TMEM132B: variants seen among roughly 807,000 people sequenced by gnomAD.
The protein encoded by TMEM132B is transmembrane protein 132B.
Under a neutral mutation model 90.8 loss-of-function variants are expected in TMEM132B, and 18 were observed. That is an observed-to-expected ratio of 0.20 (90% CI 0.14 to 0.29). The LOEUF is 0.29. Among genes scored for constraint, TMEM132B ranks in the 10% least tolerant of loss-of-function variants. The pLI is 1.00. For missense variants in TMEM132B, 1,096 were observed against 1,326.8 expected (o/e 0.83, Z 2.70); for synonymous variants, 504 against 523.3 (o/e 0.96, Z 0.50).
chr12:125,481,606 C>T (rs1176972285), intron 3 of TMEM132B, among the ~76,000 whole-genome samples: 1 of 152,074 alleles, frequency 6.6e-6, no homozygotes, highest in Non-Finnish European at 1.5e-5. Context: ...TAAAAGAGGA[C>T]ACAAACAAAT....
At chr12:125,604,625 A>C (rs1885649118) in intron 5 of TMEM132B, among the ~76,000 whole-genome samples, 1 of 152,226 alleles carries the variant, frequency 6.6e-6, no homozygotes, top group Non-Finnish European at 1.5e-5. Flanking sequence ...AAAAAAATAA[A>C]TAAATTGATG....
chr12:125,365,988 C>T (rs953386678), intron 2 of TMEM132B, among the ~76,000 whole-genome samples: 6 of 151,818 alleles, frequency 4.0e-5, no homozygotes, highest in Non-Finnish European at 8.8e-5. Flanking sequence ...TTTTTGTATC[C>T]GTTAATCAAC....
At chr12:125,189,157 A>G (rs1159714459) in intron 1 of TMEM132B, among the ~76,000 whole-genome samples, 1 of 152,102 alleles carries the variant, frequency 6.6e-6, no homozygotes, top group African/African-American at 2.4e-5. Flanking sequence ...GGGTGGGTGT[A>G]CTTCTTTCAG....
chr12:125,644,038 C>T, intron 5 of TMEM132B, 38 bp from the exon 6 acceptor site: 2 of 1,585,906 alleles, frequency 1.3e-6, no homozygotes, highest in South Asian at 2.2e-5. Context: ...TGTGCTTTTC[C>T]TACTGATGCA....
At position 125,652,135 on chromosome 12, in the gene TMEM132B, G is replaced by A. The variant is rs149825123; in HGVS notation, c.1915-306G>A. ...AGTTGTTGGGAAAATGTTGCTCTTT[G>A]AGTACCTAATATCAATGGACAGTTT... On this transcript the variant is annotated intron_variant, in intron 7 of 8. Coordinates refer to ENST00000682704, the MANE Select transcript of TMEM132B (RefSeq NM_001366854.1). Among the ~76,000 whole-genome samples, 282 of 152,350 alleles carry A rather than the reference G, an allele frequency of 1.9e-3. 1 individual carries two copies. Among genetic ancestry groups the A allele is most frequent in the Admixed American group, 4.6e-3 (71 of 15,308 alleles).
intron 3 of TMEM132B, among the ~76,000 whole-genome samples, chr12:125,438,663 TTCC>T (rs1880771369): frequency 9.7e-6 from 1 of 102,678 alleles, no homozygotes; most frequent in African/African-American, 6.0e-5. Flanking sequence ...TGCATTCTCC[TTCC>T]TCCTTCTTCC....
chr12:125,296,196 G>C (rs114874498), intron 1 of TMEM132B, among the ~76,000 whole-genome samples: 1,731 of 152,258 alleles, frequency 0.011, 33 homozygotes, highest in African/African-American at 0.037. Context: ...CCAGTACAGC[G>C]TGGTCCTGGG....
At chr12:125,607,961 T>C (rs73416397) in intron 5 of TMEM132B, among the ~76,000 whole-genome samples, 5,704 of 152,306 alleles carry the variant, frequency 0.037, 332 homozygotes, top group African/African-American at 0.13. Context: ...CCCAATAATA[T>C]TTCATTTGAA....
intron 3 of TMEM132B, among the ~76,000 whole-genome samples, chr12:125,447,561 G>C (rs904033361): frequency 6.6e-6 from 1 of 152,030 alleles, no homozygotes; most frequent in African/African-American, 2.4e-5. Context: ...TATTTTAATA[G>C]TCAACACTCA....
In TMEM132B at chr12:125,637,094, G is replaced by A. The variant is rs139753468; in HGVS notation, c.1438-6982G>A. On this transcript the variant is annotated intron_variant, in intron 5 of 8. Transcript: ENST00000682704. ...GTTAGTTTGTTACCCTGCAGCCACA[G>A]TTCTCAGACAAACTTAATAAAAATT... Among the ~76,000 whole-genome samples the A allele has an allele frequency of 6.3e-3, 967 of 152,296 alleles. 10 individuals carry two copies. The highest frequency in any genetic ancestry group is 0.022 in the African/African-American group (913 of 41,560).
At chr12:125,597,726 C>T (rs762646991) in intron 5 of TMEM132B, among the ~76,000 whole-genome samples, 23 of 152,112 alleles carry the variant, frequency 1.5e-4, no homozygotes, top group Non-Finnish European at 2.5e-4. Context: ...CAGTGCCTGC[C>T]GGGTGCCTGT....
chr12:125,192,845 T>C (rs1359804152), intron 1 of TMEM132B, among the ~76,000 whole-genome samples: 3 of 152,176 alleles, frequency 2.0e-5, no homozygotes, highest in African/African-American at 7.2e-5. Context: ...GCTCAATAAA[T>C]TGGGAGATCT....
At chr12:125,627,188 C>A (rs1886253034) in intron 5 of TMEM132B, among the ~76,000 whole-genome samples, 1 of 152,122 alleles carries the variant, frequency 6.6e-6, no homozygotes, top group Admixed American at 6.5e-5. Flanking sequence ...CCCATCTTCT[C>A]CTTTATGTTG....
intron 1 of TMEM132B, among the ~76,000 whole-genome samples, chr12:125,231,503 G>A (rs1035670251): frequency 1.3e-5 from 2 of 152,148 alleles, no homozygotes; most frequent in Admixed American, 6.5e-5. Context: ...AGGAGTATTT[G>A]AGCATGTTTG....
At chr12:125,259,064 C>T (rs563538617) in intron 1 of TMEM132B, among the ~76,000 whole-genome samples, 2 of 152,180 alleles carry the variant, frequency 1.3e-5, no homozygotes, top group South Asian at 4.2e-4. Flanking sequence ...AGTGATGTTC[C>T]AAGAAGAGGG....
intron 2 of TMEM132B, among the ~76,000 whole-genome samples, chr12:125,371,386 A>G (rs548312232): frequency 6.6e-6 from 1 of 152,150 alleles, no homozygotes; most frequent in Non-Finnish European, 1.5e-5. Flanking sequence ...GACAGGGAGG[A>G]AGGAGGGCAT....
intron 4 of TMEM132B, among the ~76,000 whole-genome samples, chr12:125,521,190 G>A (rs1245650732): frequency 1.3e-5 from 2 of 152,152 alleles, no homozygotes; most frequent in African/African-American, 4.8e-5. Context: ...TACCACTGCT[G>A]CCACCTCCTC....
chr12:125,514,726 C>T (rs1883063837), intron 3 of TMEM132B, among the ~76,000 whole-genome samples: 1 of 152,320 alleles, frequency 6.6e-6, no homozygotes, highest in African/African-American at 2.4e-5. Flanking sequence ...TTCTTCCTCC[C>T]TCCCACCTTT....
At chr12:125,479,943 G>C (rs549633657) in intron 3 of TMEM132B, among the ~76,000 whole-genome samples, 4 of 152,230 alleles carry the variant, frequency 2.6e-5, no homozygotes, top group East Asian at 3.9e-4. Flanking sequence ...TAGAACTCAG[G>C]GTTAAGAAAT....
Sources: allele counts gnomAD v4.1 joint callset (sites outside exome capture counted in the v4.1 genomes callset), GRCh38; gene constraint gnomAD v4.1.1; transcripts MANE v1.5; gene names NCBI Gene and HGNC (gene_info 2026-07-23, HGNC 2026-07-21).